Variants in IQANK1 observed in about 807,000 individuals in gnomAD.
The protein encoded by IQANK1 is IQ motif and ankyrin repeat domain-containing protein 1.
A neutral mutation model predicts 22.6 loss-of-function variants in IQANK1; 30 were observed. The ratio of observed to expected loss-of-function variants is 1.33; its 90% confidence interval spans 0.99 to 1.80. IQANK1 has a LOEUF of 1.80. Among genes scored for constraint, IQANK1 ranks in the 40% most tolerant of loss-of-function variants. The pLI, the probability that IQANK1 is intolerant of heterozygous loss-of-function variation, is 0.00. For missense variants in IQANK1, 275 were observed against 235.2 expected, an observed-to-expected ratio of 1.17 and a Z score of -1.11; for synonymous variants, 122 against 99.6, an observed-to-expected ratio of 1.23 and a Z score of -1.34.
intron 10 of IQANK1, 105 bp from the exon 11 acceptor site, chr8:143,789,656 G>T (rs567518938): frequency 1.7e-6 from 2 of 1,209,830 alleles, no homozygotes; most frequent in African/African-American, 1.6e-5. Context: ...GTCACCAGCC[G>T]ACAGTGGCCT....
Position 143,774,314 on chromosome 8 carries a change from G to A in IQANK1, c.789+1832G>A, listed in dbSNP as rs577030897. Among the ~76,000 whole-genome samples, 4 of 152,320 alleles carry A rather than the reference G, an allele frequency of 2.6e-5. 1 individual carries two copies. Among genetic ancestry groups the A allele is most frequent in the South Asian group, 4.1e-4 (2 of 4,828 alleles). ...GTGAACCACGCATCTGGCAAGGCAC[G>A]TGTACCTAGAACATAGAAAAAACTC... On this transcript the variant is annotated intron_variant, in intron 7 of 13. Coordinates refer to ENST00000527139, the MANE Select transcript of IQANK1 (RefSeq NM_001381874.1). This position sits in a 1 kb window ranked among gnomAD's most constrained non-coding sequence, Gnocchi z 4.2.
At chr8:143,740,712 GCACCGGCAGC>G (rs1818886861) in intron 3 of IQANK1, among the ~76,000 whole-genome samples, 5 of 152,176 alleles carry the variant, frequency 3.3e-5, no homozygotes, top group Admixed American at 3.3e-4. Context: ...TGCAGGCCTG[GCACCGGCAGC>G]CACCTGTCCT....
chr8:143,741,975 C>A (rs1317946035), intron 3 of IQANK1: 1 of 239,452 alleles, frequency 4.2e-6, no homozygotes, highest in Admixed American at 4.8e-5. Context: ...ACCACCATTC[C>A]TGCCCCCATG....
At chr8:143,775,531 C>T (rs1480922850) in intron 7 of IQANK1, among the ~76,000 whole-genome samples, 8 of 152,048 alleles carry the variant, frequency 5.3e-5, no homozygotes, top group South Asian at 2.1e-4. Flanking sequence ...GAGGCCGAGG[C>T]GGGCAGATCA....
At chr8:143,784,754 T>G (rs966934829) in intron 7 of IQANK1, among the ~76,000 whole-genome samples, 4 of 89,066 alleles carry the variant, frequency 4.5e-5, no homozygotes, top group Non-Finnish European at 9.3e-5. Context: ...CACAAACACT[T>G]CTACTTATAG....
chr8:143,772,772 G>A (rs1554629928), intron 7 of IQANK1, among the ~76,000 whole-genome samples: 1 of 152,236 alleles, frequency 6.6e-6, no homozygotes, highest in African/African-American at 2.4e-5. Flanking sequence ...TTTTGTGAAT[G>A]CCTTTGGTGT....
intron 3 of IQANK1, chr8:143,743,816 T>C (rs1818972019): frequency 2.4e-6 from 1 of 423,534 alleles, no homozygotes; most frequent in Non-Finnish European, 4.6e-6. Context: ...TTGTAGTTTT[T>C]AGTTTCTGAA....
At chr8:143,759,304 C>T in intron 3 of IQANK1, 1 of 166,140 alleles carries the variant, frequency 6.0e-6, no homozygotes, top group Middle Eastern at 1.6e-3. Context: ...TTCCCTTGCA[C>T]AGAGTTCTGG....
At chr8:143,787,509 C>T (rs1256357901) in intron 7 of IQANK1, among the ~76,000 whole-genome samples, 4 of 152,150 alleles carry the variant, frequency 2.6e-5, no homozygotes, top group African/African-American at 7.2e-5. Flanking sequence ...CCCAAGGCCA[C>T]GCCGCGCCAC....
At chr8:143,776,325 C>CT (rs1251110800) in intron 7 of IQANK1, among the ~76,000 whole-genome samples, 1 of 29,120 alleles carries the variant, frequency 3.4e-5, no homozygotes, top group African/African-American at 8.3e-5. Flanking sequence ...GAGACTCCGT[C>CT]TCAAAAAAAA....
intron 3 of IQANK1, among the ~76,000 whole-genome samples, chr8:143,749,250 TTA>T (rs1819129523): frequency 8.1e-6 from 1 of 123,960 alleles, no homozygotes; most frequent in Admixed American, 9.0e-5. Context: ...ATCATATATG[TTA>T]TATATGATAT....
chr8:143,777,838 A>G (rs1819718637), intron 7 of IQANK1, among the ~76,000 whole-genome samples: 1 of 152,188 alleles, frequency 6.6e-6, no homozygotes, highest in Non-Finnish European at 1.5e-5. Context: ...AGCAAATGGT[A>G]GATTTTAACT....
chr8:143,771,556 C>G lies in IQANK1; in HGVS notation c.244C>G (p.Leu82Val), dbSNP rs1415794224. 7.5e-6 allele frequency: 3 copies of G among 398,186 alleles called. No individual in the cohort carries two copies. Among genetic ancestry groups the G allele is most frequent in the Non-Finnish European group, 1.3e-5 (3 of 225,858 alleles). The allele number at this position is 398,186 out of a possible 1,614,324, so 24.7% of individuals were successfully genotyped here. A position where few individuals can be genotyped will look rare whatever the true frequency, so the allele number is the denominator to read the frequency against. Residue 82 changes from leucine (L) to valine (V), a missense_variant, in exon 4 of 14, where the codon CTC becomes GTC. Transcript: ENST00000527139. The surrounding 1 kb of genome is among the most constrained non-coding windows in gnomAD (Gnocchi z 6.0). ...AFRQLRARRE[L>V]ARRREERREY... Reference sequence around the variant, plus strand: ...CCGGCAGCTCCGGGCCAGGAGGGAGCTCGCCCGCCGCCGGGAGGAGCGCCG... The same window carrying G: ...CCGGCAGCTCCGGGCCAGGAGGGAGGTCGCCCGCCGCCGGGAGGAGCGCCG...
chr8:143,734,143 G>A lies in IQANK1; in HGVS notation c.-81G>A, dbSNP rs1168496401. The A allele has an allele frequency of 6.6e-6, 1 of 152,150 alleles. No individual in the cohort carries two copies. Among genetic ancestry groups the A allele is most frequent in the Non-Finnish European group, 1.5e-5 (1 of 68,014 alleles). The allele number at this position is 152,150 out of a possible 1,614,324, so 9.4% of individuals were successfully genotyped here. A position where few individuals can be genotyped will look rare whatever the true frequency, so the allele number is the denominator to read the frequency against. On this transcript the variant is annotated 5_prime_UTR_variant, in exon 1 of 14. Coordinates refer to ENST00000527139, the MANE Select transcript of IQANK1 (RefSeq NM_001381874.1). ...GTGACTCGGAAGTTCCGGCTCAGTCGCTAGGAAACGAGCGAGCCCGACGCC... is the reference window on the plus strand; with the variant it reads ...GTGACTCGGAAGTTCCGGCTCAGTCACTAGGAAACGAGCGAGCCCGACGCC...
At chr8:143,741,311 G>C (rs904231029) in intron 3 of IQANK1, among the ~76,000 whole-genome samples, 4 of 152,294 alleles carry the variant, frequency 2.6e-5, no homozygotes, top group Middle Eastern at 3.4e-3. Context: ...ATCTTGTCGA[G>C]GGAAACTCAA....
intron 3 of IQANK1, among the ~76,000 whole-genome samples, chr8:143,770,391 T>G (rs984824966): frequency 6.6e-6 from 1 of 152,188 alleles, no homozygotes; most frequent in Non-Finnish European, 1.5e-5. Context: ...CCACTGCCAC[T>G]CGGGGTCCCG....
At chr8:143,780,505 C>T in intron 7 of IQANK1, among the ~76,000 whole-genome samples, 1 of 152,144 alleles carries the variant, frequency 6.6e-6, no homozygotes, top group East Asian at 1.9e-4. Context: ...ATCCTAGTAT[C>T]TGTTGTTTCC....
chr8:143,742,645 C>T (rs1373871366), intron 3 of IQANK1: 1 of 456,052 alleles, frequency 2.2e-6, no homozygotes. Flanking sequence ...GAAGAATAGC[C>T]TCCACCAGGA....
intron 3 of IQANK1, among the ~76,000 whole-genome samples, chr8:143,766,492 G>C (rs1819483050): frequency 6.6e-6 from 1 of 151,944 alleles, no homozygotes; most frequent in Admixed American, 6.6e-5. Context: ...CCAACATGGT[G>C]AAACCCCATC....
Sources: gnomAD v4.1 joint callset for allele counts (sites outside exome capture counted in the v4.1 genomes callset) on GRCh38, gnomAD v4.1.1 for gene constraint, Gnocchi (gnomAD v3.1) non-coding constraint, MANE v1.5 for transcripts, NCBI Gene and HGNC (gene_info 2026-07-23, HGNC 2026-07-21) for gene names.